The following FAM149B1 variants were observed in gnomAD, a reference collection of about 807,000 sequenced individuals.
The protein encoded by FAM149B1 is primary cilium assembly protein FAM149B1.
Under a neutral mutation model 75.3 loss-of-function variants are expected in FAM149B1, and 56 were observed. The ratio of observed to expected loss-of-function variants is 0.74; its 90% CI spans 0.60 to 0.93. FAM149B1 has a LOEUF of 0.93. FAM149B1 is among the 40% of genes least tolerant of loss of function. FAM149B1 has a pLI of 0.00. For synonymous variants in FAM149B1, 259 were observed against 256.1 expected (o/e 1.01, Z -0.11); for missense variants, 639 against 708.4 (o/e 0.90, Z 1.11).
intron 5 of FAM149B1, among the ~76,000 whole-genome samples, chr10:73,198,951 C>T (rs560588395): frequency 3.7e-4 from 57 of 152,300 alleles, no homozygotes; most frequent in Middle Eastern, 6.8e-3. Flanking sequence ...TCCAATCATC[C>T]TGGAGGGCCT....
chr10:73,189,627 TGAAG>T (rs1347261262), intron 3 of FAM149B1, among the ~76,000 whole-genome samples: 1 of 152,324 alleles, frequency 6.6e-6, no homozygotes, highest in East Asian at 1.9e-4. Flanking sequence ...TTCTCCTGAA[TGAAG>T]GAAGCCAAAC....
intron 3 of FAM149B1, among the ~76,000 whole-genome samples, chr10:73,179,400 A>G (rs1009939224): frequency 6.6e-6 from 1 of 151,762 alleles, no homozygotes; most frequent in Non-Finnish European, 1.5e-5. Flanking sequence ...ACTTTATATA[A>G]TATTATTGTT....
At chr10:73,213,502 G>A (rs1188838434) in intron 7 of FAM149B1, among the ~76,000 whole-genome samples, 1 of 152,044 alleles carries the variant, frequency 6.6e-6, no homozygotes, top group African/African-American at 2.4e-5. Context: ...TACGGTGAGA[G>A]GTATGGGTTC....
At chr10:73,186,611 T>A (rs889418022) in intron 3 of FAM149B1, among the ~76,000 whole-genome samples, 1 of 152,174 alleles carries the variant, frequency 6.6e-6, no homozygotes, top group African/African-American at 2.4e-5. Context: ...CCAAATCTAA[T>A]AGGACTAATA....
intron 5 of FAM149B1, among the ~76,000 whole-genome samples, chr10:73,201,641 A>G (rs1357520364): frequency 3.9e-5 from 6 of 152,218 alleles, no homozygotes; most frequent in Non-Finnish European, 8.8e-5. Flanking sequence ...CCTGAGTAGG[A>G]AGGCCTTTAA....
rs545715810 is a variant in FAM149B1 at position 73,213,644 on chromosome 10, C to CT, written c.898+3209dup. ...ACTTTGTCAAAGATCAGTTGATTGG[C>CT]TTTATTTCTTGGTTTTCTATTCCAT... On this transcript the variant is annotated intron_variant, in intron 7 of 13. Transcript: ENST00000242505. Among the ~76,000 whole-genome samples the CT allele has an allele frequency of 1.1e-4, 16 of 152,036 alleles. No individual in the cohort carries two copies. In the East Asian group the frequency reaches 3.1e-3, roughly 29 times the overall value.
intron 2 of FAM149B1, among the ~76,000 whole-genome samples, chr10:73,175,546 C>G (rs60653627): frequency 0.016 from 2,478 of 150,990 alleles, 62 homozygotes; most frequent in African/African-American, 0.057. Flanking sequence ...GGTGGGGGCC[C>G]GTAGTCCCAG....
intron 7 of FAM149B1, among the ~76,000 whole-genome samples, chr10:73,224,592 C>G (rs1030781978): frequency 6.6e-6 from 1 of 151,756 alleles, no homozygotes; most frequent in African/African-American, 2.4e-5. Flanking sequence ...CTGCCTCAGC[C>G]TCCCGAGTAG....
intron 1 of FAM149B1, among the ~76,000 whole-genome samples, chr10:73,171,143 G>A (rs1001664025): frequency 6.6e-6 from 1 of 152,062 alleles, no homozygotes; most frequent in African/African-American, 2.4e-5. Context: ...TAGTAGAGAT[G>A]GGGTTTCACC....
intron 10 of FAM149B1, chr10:73,234,204 T>C (rs1363166098): frequency 6.5e-6 from 1 of 153,214 alleles, no homozygotes; most frequent in Non-Finnish European, 1.5e-5. Context: ...GCTATATCTA[T>C]ACCAACAGAG....
intron 7 of FAM149B1, among the ~76,000 whole-genome samples, chr10:73,219,853 A>G (rs983740337): frequency 2.0e-5 from 3 of 152,178 alleles, no homozygotes; most frequent in Non-Finnish European, 4.4e-5. Flanking sequence ...TTGACATTAC[A>G]TTCTTTAGAT....
rs1181046157 is a variant in FAM149B1 at position 73,193,466 on chromosome 10, T to C, written c.426-11T>C. ...GGTACTTAATTGTGTCTGTGTTTCT[T>C]CATTTTGAAGGATTCTAGGTAGGCA... On this transcript the variant is annotated splice_polypyrimidine_tract_variant and intron_variant, in intron 4 of 13. Transcript: ENST00000242505. The C allele has an allele frequency of 6.5e-7, 1 of 1,543,356 alleles. No homozygotes were observed.
In FAM149B1 at chr10:73,243,740, C is replaced by A. The variant is rs552394659; in HGVS notation, c.*2721C>A. On this transcript the variant is annotated 3_prime_UTR_variant, in exon 14 of 14. Coordinates refer to ENST00000242505, the MANE Select transcript of FAM149B1 (RefSeq NM_173348.2). ...TTTAAAAGGACAAATAGAAGGTATGCGGTTATGTCTTAAAAGAAGAAAACA... is the reference window on the plus strand; with the variant it reads ...TTTAAAAGGACAAATAGAAGGTATGAGGTTATGTCTTAAAAGAAGAAAACA... 3 of 1,169,254 alleles carry A rather than the reference C, an allele frequency of 2.6e-6. No individual in the cohort carries two copies. Among genetic ancestry groups the A allele is most frequent in the African/African-American group, 1.5e-5 (1 of 64,724 alleles). The allele number at this position is 1,169,254 out of a possible 1,614,324, so 72.4% of individuals were successfully genotyped here.
intron 5 of FAM149B1, among the ~76,000 whole-genome samples, chr10:73,202,257 A>G (rs1347788648): frequency 1.3e-5 from 2 of 151,950 alleles, no homozygotes; most frequent in Non-Finnish European, 2.9e-5. Context: ...GGAAATGGGA[A>G]TATTTTTTCT....
At chr10:73,204,560 C>T (rs548912999) in intron 5 of FAM149B1, among the ~76,000 whole-genome samples, 1 of 152,224 alleles carries the variant, frequency 6.6e-6, no homozygotes, top group South Asian at 2.1e-4. Context: ...TTTTATTTCT[C>T]AGATTGGATT....
intron 9 of FAM149B1, 108 bp from the exon 10 acceptor site, chr10:73,232,831 A>T (rs538787417): frequency 8.5e-5 from 57 of 668,074 alleles, no homozygotes; most frequent in Non-Finnish European, 8.9e-5. Context: ...TTTTTGCTTT[A>T]TTTCCCCCTA....
At chr10:73,230,369 A>T (rs12570053) in intron 8 of FAM149B1, 53 bp from the exon 9 acceptor site, 88,107 of 975,610 alleles carry the variant, frequency 0.09, 6,087 homozygotes, top group East Asian at 0.29. Context: ...TTGGAAAACC[A>T]AACAGGTATC....
At position 73,210,944 on chromosome 10, in the gene FAM149B1, T is replaced by C. The variant is rs1018013555; in HGVS notation, c.898+506T>C. Among the ~76,000 whole-genome samples, 20 of 152,192 alleles carry C rather than the reference T, an allele frequency of 1.3e-4. No homozygotes were observed. In the East Asian group the frequency reaches 1.7e-3, roughly 13 times the overall value. On this transcript the variant is annotated intron_variant, in intron 7 of 13. Transcript: ENST00000242505. The stretch of plus-strand genomic sequence containing the variant: ...TCTGACACCAGTAGGTAGGGTTTTT[T>C]CCCCCACAACCCAAGCAATTCTGAC...
intron 7 of FAM149B1, among the ~76,000 whole-genome samples, chr10:73,221,566 A>AT (rs1223866842): frequency 6.6e-6 from 1 of 151,104 alleles, no homozygotes; most frequent in Non-Finnish European, 1.5e-5. Context: ...GGCTGCTAAG[A>AT]TTTTCTCTTT....
Sources: allele counts gnomAD v4.1 joint callset (sites outside exome capture counted in the v4.1 genomes callset), GRCh38; gene constraint gnomAD v4.1.1; transcripts MANE v1.5; gene names NCBI Gene and HGNC (gene_info 2026-07-23, HGNC 2026-07-21).